Variants in MCC observed in about 807,000 individuals in gnomAD.
MCC encodes the protein colorectal mutant cancer protein.
MCC carries 90 observed loss-of-function variants against 116.2 expected under a neutral mutation model. The observed-to-expected ratio is 0.77, with a 90% confidence interval of 0.65 to 0.92. The LOEUF is 0.92. MCC is among the 40% of genes least tolerant of loss of function. The probability of loss-of-function intolerance (pLI) is 0.00; values close to 1 mark genes in which losing one functional copy is unlikely to be tolerated. For synonymous variants in MCC, 578 were observed against 510.5 expected (o/e 1.13, Z -1.78); for missense variants, 1,516 against 1,312.2 (o/e 1.16, Z -2.40).
chr5:113,175,165 A>G (rs922288741), intron 3 of MCC, among the ~76,000 whole-genome samples: 2 of 152,172 alleles, frequency 1.3e-5, no homozygotes, highest in Non-Finnish European at 2.9e-5. Flanking sequence ...GGAGAGGCTA[A>G]TAAGTTACTA....
At chr5:113,055,267 G>A (rs1380376930) in intron 14 of MCC, among the ~76,000 whole-genome samples, 3 of 151,990 alleles carry the variant, frequency 2.0e-5, no homozygotes, top group African/African-American at 7.3e-5. Flanking sequence ...CTATACCAGG[G>A]GCCACGAGTG....
chr5:113,424,936 C>G (rs533463105), intron 1 of MCC, among the ~76,000 whole-genome samples: 1 of 151,898 alleles, frequency 6.6e-6, no homozygotes, highest in Non-Finnish European at 1.5e-5. Flanking sequence ...TTTGCAATAT[C>G]TGACATCCAA....
intron 3 of MCC, among the ~76,000 whole-genome samples, chr5:113,219,983 CT>C (rs935200818): frequency 6.8e-6 from 1 of 146,408 alleles, no homozygotes; most frequent in Non-Finnish European, 1.5e-5. Flanking sequence ...CGGGTTCATT[CT>C]TTTTCTAAGT....
chr5:113,268,928 C>T (rs1230870547), intron 3 of MCC, among the ~76,000 whole-genome samples: 2 of 152,220 alleles, frequency 1.3e-5, no homozygotes, highest in South Asian at 4.2e-4. Context: ...GGAATATTAA[C>T]GGTGACTGAT....
At chr5:113,203,987 C>G (rs1012886855) in intron 3 of MCC, among the ~76,000 whole-genome samples, 8 of 152,210 alleles carry the variant, frequency 5.3e-5, no homozygotes, top group Non-Finnish European at 1.2e-4. Context: ...AAACTGAGTA[C>G]AGGCTCAATA....
chr5:113,083,943 T>A (rs1383411684), intron 10 of MCC, among the ~76,000 whole-genome samples, 158 bp downstream of exon 10: 1 of 152,222 alleles, frequency 6.6e-6, no homozygotes, highest in Non-Finnish European at 1.5e-5. Context: ...TCATCATACA[T>A]TTTAATTTAA....
chr5:113,181,828 G>C (rs1761643110), intron 3 of MCC, among the ~76,000 whole-genome samples: 1 of 152,218 alleles, frequency 6.6e-6, no homozygotes. Context: ...CTGTGCTGAA[G>C]TATGAGTGAG....
chr5:113,371,063 C>CA (rs1185324990), intron 2 of MCC, among the ~76,000 whole-genome samples: 2 of 151,536 alleles, frequency 1.3e-5, no homozygotes, highest in Non-Finnish European at 2.9e-5. Flanking sequence ...ACTAAAAAGA[C>CA]AAAAAAAATT....
At chr5:113,241,637 G>A (rs1230318575) in intron 3 of MCC, among the ~76,000 whole-genome samples, 1 of 152,130 alleles carries the variant, frequency 6.6e-6, no homozygotes, top group Non-Finnish European at 1.5e-5. Flanking sequence ...CTTCCCTAAA[G>A]AACAGAGAAC....
intron 3 of MCC, among the ~76,000 whole-genome samples, chr5:113,275,418 A>G (rs1316388502): frequency 1.3e-5 from 2 of 152,234 alleles, no homozygotes; most frequent in African/African-American, 4.8e-5. Flanking sequence ...GGAAGTCACC[A>G]TTAAAATACA....
At chr5:113,327,561 A>AAAATATATATATATATATATATAT (rs1480996383) in intron 3 of MCC, among the ~76,000 whole-genome samples, 5 of 80,584 alleles carry the variant, frequency 6.2e-5, no homozygotes, top group Non-Finnish European at 1.2e-4. Context: ...AAAAAAAAAA[A>AAAATATATATATATATATATATAT]ATATATATAT....
intron 5 of MCC, among the ~76,000 whole-genome samples, chr5:113,140,322 G>T (rs1033355950): frequency 6.6e-6 from 1 of 152,194 alleles, no homozygotes; most frequent in African/African-American, 2.4e-5. Flanking sequence ...AGGGAGAATT[G>T]TTTCTGTAGG....
chr5:113,419,990 G>T (rs922354314), intron 1 of MCC, among the ~76,000 whole-genome samples: 3 of 150,322 alleles, frequency 2.0e-5, no homozygotes, highest in African/African-American at 2.5e-5. Flanking sequence ...CCTGCACGTT[G>T]TGCACATGTA....
chr5:113,282,956 G>A (rs576994953), intron 3 of MCC, among the ~76,000 whole-genome samples: 8 of 152,164 alleles, frequency 5.3e-5, no homozygotes, highest in Non-Finnish European at 8.8e-5. Context: ...GTGGAAAACT[G>A]TTACTCTTCA....
chr5:113,034,943 G>C (rs951370441), intron 17 of MCC, among the ~76,000 whole-genome samples: 1 of 152,080 alleles, frequency 6.6e-6, no homozygotes, highest in South Asian at 2.1e-4. Flanking sequence ...TGTTGTTTAG[G>C]ACTTGGGCCT....
chr5:113,456,751 G>A (rs938855341), intron 1 of MCC, among the ~76,000 whole-genome samples: 20 of 148,338 alleles, frequency 1.3e-4, no homozygotes, highest in Non-Finnish European at 2.2e-4. Context: ...TATTACAGGC[G>A]TGAGCCACTG....
In MCC at chr5:113,022,200, A is replaced by G. The variant is rs759879603; in HGVS notation, c.*5102T>C. 2.6e-5 allele frequency: 4 copies of G among 152,654 alleles called. No homozygotes were observed. Among genetic ancestry groups the G allele is most frequent in the African/African-American group, 9.6e-5 (4 of 41,468 alleles). 9.5% of individuals were successfully genotyped at this position (152,654 alleles called of 1,614,324 possible). A position where few individuals can be genotyped will look rare whatever the true frequency, so the allele number is the denominator to read the frequency against. ...AATGGAGTTTTTAAAAAACAATTCTATATCAAATAACGCAAAGTAGCTATT... is the reference window on the plus strand; with the variant it reads ...AATGGAGTTTTTAAAAAACAATTCTGTATCAAATAACGCAAAGTAGCTATT... On this transcript the variant is annotated 3_prime_UTR_variant, in exon 19 of 19. Coordinates refer to ENST00000408903, the MANE Select transcript of MCC (RefSeq NM_001085377.2).
At chr5:113,055,082 G>T (rs1752742409) in intron 14 of MCC, among the ~76,000 whole-genome samples, 1 of 152,204 alleles carries the variant, frequency 6.6e-6, no homozygotes, top group South Asian at 2.1e-4. Flanking sequence ...TACTGACCTT[G>T]CATCAAAACA....
At chr5:113,454,688 C>G (rs1250957753) in intron 1 of MCC, among the ~76,000 whole-genome samples, 4 of 152,108 alleles carry the variant, frequency 2.6e-5, no homozygotes, top group Admixed American at 2.6e-4. Flanking sequence ...TCTATAAGGA[C>G]AGACTTAAAG....
Sources: allele counts gnomAD v4.1 joint callset (sites outside exome capture counted in the v4.1 genomes callset), GRCh38; gene constraint gnomAD v4.1.1; transcripts MANE v1.5; gene names NCBI Gene and HGNC (gene_info 2026-07-23, HGNC 2026-07-21).